NXN: variants seen among roughly 807,000 people sequenced by gnomAD.
NXN encodes nucleoredoxin 1.
NXN carries 16 observed loss-of-function variants against 48.6 expected under a neutral mutation model. The observed-to-expected ratio is 0.33, with a 90% CI of 0.22 to 0.50. NXN has a LOEUF of 0.50. NXN is among the 20% of genes least tolerant of loss of function. The probability of loss-of-function intolerance (pLI) is 0.98; values close to 1 mark genes in which losing one functional copy is unlikely to be tolerated. For missense variants in NXN, 492 were observed against 605.5 expected (o/e 0.81, Z 1.97); for synonymous variants, 281 against 269.6 (o/e 1.04, Z -0.41).
chr17:864,040 A>T, intron 1 of NXN: 1 of 1,513,062 alleles, frequency 6.6e-7, no homozygotes, highest in Non-Finnish European at 8.8e-7. Flanking sequence ...GTGAAGGGAC[A>T]CGTCTGCCAT....
At chr17:875,958 C>T (rs564211154) in intron 1 of NXN, among the ~76,000 whole-genome samples, 4 of 152,044 alleles carry the variant, frequency 2.6e-5, no homozygotes, top group Admixed American at 1.3e-4. Flanking sequence ...CCAAGGTGGG[C>T]GGGTCATGAG....
chr17:924,699 C>T (rs1342409637), intron 1 of NXN, among the ~76,000 whole-genome samples: 5 of 141,722 alleles, frequency 3.5e-5, no homozygotes, highest in Non-Finnish European at 7.6e-5. Context: ...GAAATTCCGT[C>T]CTCAGTAAAG....
rs34081114 is a variant in NXN, at chr17:872,613, CTTTTTTT to C, written c.361-46542_361-46536del. 6.2e-3 allele frequency among the ~76,000 whole-genome samples: 471 copies of C among 75,438 alleles called. 5 individuals are homozygous for C. The highest frequency in any genetic ancestry group is 0.024 in the African/African-American group (445 of 18,298). The allele number at this position is 75,438 out of a possible 152,430, so 49.5% of individuals were successfully genotyped here. A position where few individuals can be genotyped will look rare whatever the true frequency, so the allele number is the denominator to read the frequency against. ...CTGTGACTATGTTTCCGGGTGAGAT[CTTTTTTT>C]TTTTTTTTTTTTTTTTTGAGACGGA... On this transcript the variant is annotated intron_variant, in intron 1 of 7. Transcript: ENST00000336868.
Position 806,227 on chromosome 17 carries a change from A to C in NXN, c.821-980T>G, listed in dbSNP as rs191671632. 2.4e-3 allele frequency among the ~76,000 whole-genome samples: 53 copies of C among 21,788 alleles called. 4 individuals are homozygous for C. Among genetic ancestry groups the C allele is most frequent in the African/African-American group, 0.018 (43 of 2,444 alleles). 14.3% of individuals were successfully genotyped at this position (21,788 alleles called of 152,430 possible). On this transcript the variant is annotated intron_variant, in intron 5 of 7. Coordinates refer to ENST00000336868, the MANE Select transcript of NXN (RefSeq NM_022463.5). ...CAGCCCCCGCCGTCTGCACCCCAGCACAACCCCCTCCCCAGGGCTGCAGCC... is the reference window on the plus strand; with the variant it reads ...CAGCCCCCGCCGTCTGCACCCCAGCCCAACCCCCTCCCCAGGGCTGCAGCC...
chr17:829,333 T>G (rs1167922205), intron 1 of NXN, among the ~76,000 whole-genome samples: 1 of 152,022 alleles, frequency 6.6e-6, no homozygotes, highest in Non-Finnish European at 1.5e-5. Context: ...TTTTCTATTT[T>G]TAGTAGAGAT....
rs6598835 is a variant in NXN, at chr17:919,492, C to G, written c.360+59827G>C. 0.4 allele frequency among the ~76,000 whole-genome samples: 60,770 copies of G among 152,066 alleles called. 12,721 individuals carry two copies. The highest frequency in any genetic ancestry group is 0.71 in the East Asian group (3,676 of 5,158). On this transcript the variant is annotated intron_variant, in intron 1 of 7. Transcript: ENST00000336868. The surrounding 1 kb of genome is among the most constrained non-coding windows in gnomAD (Gnocchi z 5.1). ...GTGTTATTGTAACACGAGGAAAAAG[C>G]CCTGTAATCTCAGCACAACCAGAAA...
intron 1 of NXN, 56 bp downstream of exon 1, chr17:979,263 G>GCAGGGGTAACGGGCGTGGGGGGCGGC (rs2069505629): frequency 8.5e-7 from 1 of 1,181,140 alleles, no homozygotes; most frequent in Non-Finnish European, 1.1e-6. Flanking sequence ...TGGGGGGCGG[G>GCAGGGGTAACGGGCGTGGGGGGCGGC]CAGGGGTAAC....
chr17:877,172 G>A (rs976417478), intron 1 of NXN, among the ~76,000 whole-genome samples: 1 of 151,712 alleles, frequency 6.6e-6, no homozygotes, highest in African/African-American at 2.4e-5. Context: ...TTTGGAGACG[G>A]AGTCTCACTC....
chr17:901,113 GTTTCACC>G (rs1489416116), intron 1 of NXN, among the ~76,000 whole-genome samples: 3 of 151,962 alleles, frequency 2.0e-5, no homozygotes, highest in Admixed American at 1.3e-4. Flanking sequence ...TAGAGATGGG[GTTTCACC>G]ATGTTGGCCA....
intron 1 of NXN, among the ~76,000 whole-genome samples, chr17:859,770 G>T (rs1410107819): frequency 6.6e-5 from 10 of 152,146 alleles, no homozygotes; most frequent in African/African-American, 2.4e-4. Flanking sequence ...GAAAGGCCTG[G>T]CCCTCAGGCC....
intron 1 of NXN, among the ~76,000 whole-genome samples, chr17:955,841 G>A (rs2069162532): frequency 6.6e-6 from 1 of 151,838 alleles, no homozygotes; most frequent in African/African-American, 2.4e-5. Context: ...GGCGGAGCTT[G>A]CAGTGAGCCG....
At chr17:964,085 A>C (rs892375134) in intron 1 of NXN, among the ~76,000 whole-genome samples, 1 of 152,184 alleles carries the variant, frequency 6.6e-6, no homozygotes, top group Non-Finnish European at 1.5e-5. Flanking sequence ...TCAAAAACAA[A>C]AACAAAAAAT....
chr17:915,943 C>A (rs1247828536), intron 1 of NXN, among the ~76,000 whole-genome samples: 1 of 152,194 alleles, frequency 6.6e-6, no homozygotes, highest in Non-Finnish European at 1.5e-5. Context: ...GGTCTCCAAG[C>A]AATCGGTTCT....
intron 1 of NXN, among the ~76,000 whole-genome samples, chr17:853,890 T>G (rs745511925): frequency 2.0e-5 from 3 of 151,214 alleles, no homozygotes; most frequent in Non-Finnish European, 2.9e-5. Flanking sequence ...CACGGCTAAG[T>G]TTTGCATTTT....
At chr17:892,568 A>T (rs1469898718) in intron 1 of NXN, among the ~76,000 whole-genome samples, 2 of 149,234 alleles carry the variant, frequency 1.3e-5, no homozygotes, top group South Asian at 4.5e-4. Flanking sequence ...CGCACCTGGC[A>T]AGTCAGTGTC....
intron 1 of NXN, among the ~76,000 whole-genome samples, chr17:957,568 G>C (rs372298199): frequency 1.5e-4 from 22 of 151,212 alleles, no homozygotes; most frequent in East Asian, 1.2e-3. Context: ...GGAGGTGTAG[G>C]TTGCAGTGAG....
intron 1 of NXN, among the ~76,000 whole-genome samples, chr17:972,263 T>C (rs536223433): frequency 4.7e-5 from 7 of 149,084 alleles, no homozygotes; most frequent in Non-Finnish European, 8.9e-5. Context: ...GATGGTGTCA[T>C]TGCACTCCAG....
chr17:841,526 C>CT (rs773088086), intron 1 of NXN, among the ~76,000 whole-genome samples: 1,876 of 44,552 alleles, frequency 0.042, 90 homozygotes, highest in Non-Finnish European at 0.068. Flanking sequence ...CAGGTCCCCC[C>CT]GACCATGGAG....
intron 1 of NXN, among the ~76,000 whole-genome samples, chr17:938,334 T>C (rs2068932245): frequency 6.6e-6 from 1 of 152,184 alleles, no homozygotes; most frequent in African/African-American, 2.4e-5. Flanking sequence ...TGACAGCAAG[T>C]GAGCTGGCCA....
Sources: allele counts gnomAD v4.1 joint callset (sites outside exome capture counted in the v4.1 genomes callset), GRCh38; gene constraint gnomAD v4.1.1; non-coding constraint Gnocchi (gnomAD v3.1); transcripts MANE v1.5; gene names NCBI Gene and HGNC (gene_info 2026-07-23, HGNC 2026-07-21).